Variants in PXDNL observed in about 807,000 individuals in gnomAD.
PXDNL encodes peroxidasin like.
PXDNL carries 145 observed loss-of-function variants against 150.8 expected under a neutral mutation model. The observed-to-expected ratio is 0.96, with a 90% CI of 0.84 to 1.10. PXDNL has a LOEUF of 1.10. Ranked by LOEUF, PXDNL falls within the 50% of genes least tolerant of loss-of-function variation. PXDNL has a pLI of 0.00. For synonymous variants in PXDNL, 757 were observed against 725.7 expected (o/e 1.04, Z -0.69); for missense variants, 2,087 against 1,873.9 (o/e 1.11, Z -2.10).
At chr8:51,515,909 G>A (rs960373973) in intron 4 of PXDNL, among the ~76,000 whole-genome samples, 6 of 151,968 alleles carry the variant, frequency 3.9e-5, no homozygotes, top group South Asian at 2.1e-4. Flanking sequence ...TAAAGTACTC[G>A]TCTGGTTCAA....
At chr8:51,538,188 C>T (rs1585561597) in intron 4 of PXDNL, among the ~76,000 whole-genome samples, 1 of 152,166 alleles carries the variant, frequency 6.6e-6, no homozygotes, top group Non-Finnish European at 1.5e-5. Context: ...AGTGATTCTA[C>T]CCAAGATACA....
In PXDNL at chr8:51,403,763, G is replaced by A. The variant is rs188286045; in HGVS notation, c.3557+4304C>T. Among the ~76,000 whole-genome samples the A allele has an allele frequency of 2.0e-3, 308 of 152,264 alleles. 1 individual carries two copies. The highest frequency in any genetic ancestry group is 6.6e-3 in the African/African-American group (275 of 41,560). On this transcript the variant is annotated intron_variant, in intron 17 of 22. Transcript: ENST00000356297. ...ATTCAAATGTGGAAGCTTCATCTCC[G>A]ATGTTATGGTATTAATAAGCGGGGC...
intron 8 of PXDNL, among the ~76,000 whole-genome samples, chr8:51,464,946 A>G (rs1810171003): frequency 6.6e-6 from 1 of 152,236 alleles, no homozygotes; most frequent in African/African-American, 2.4e-5. Context: ...CTTGGACTAC[A>G]TGGAGTCACA....
At chr8:51,345,632 C>T (rs1036899805) in intron 20 of PXDNL, among the ~76,000 whole-genome samples, 5 of 152,104 alleles carry the variant, frequency 3.3e-5, no homozygotes, top group South Asian at 2.1e-4. Context: ...TTGCCAAATA[C>T]GCTCTGGTTG....
At chr8:51,633,919 T>C (rs1261608677) in intron 2 of PXDNL, among the ~76,000 whole-genome samples, 2 of 151,258 alleles carry the variant, frequency 1.3e-5, no homozygotes, top group Non-Finnish European at 3.0e-5. Flanking sequence ...AATATTTCCT[T>C]CTATCCTATA....
rs544694594 is a variant in PXDNL, at chr8:51,724,491, A to G, written c.165-69731T>C. 2.6e-4 allele frequency among the ~76,000 whole-genome samples: 40 copies of G among 151,602 alleles called. 1 individual carries two copies. The Middle Eastern group carries it at 0.02, about 77-fold the overall frequency. ...TGCTGATGACCACATGACATCGCAG[A>G]AAAAAAAAGGAAAAATCAGATCTCA... is the stretch of plus-strand genomic sequence containing the variant. On this transcript the variant is annotated intron_variant, in intron 1 of 22. Coordinates refer to ENST00000356297, the MANE Select transcript of PXDNL (RefSeq NM_144651.5).
intron 8 of PXDNL, among the ~76,000 whole-genome samples, chr8:51,459,869 C>A (rs1297959081): frequency 6.6e-6 from 1 of 152,146 alleles, no homozygotes; most frequent in East Asian, 1.9e-4. Context: ...TTACAACAGT[C>A]ATTTGTTAAG....
intron 1 of PXDNL, among the ~76,000 whole-genome samples, chr8:51,659,650 C>T (rs1815226449): frequency 1.3e-5 from 2 of 152,100 alleles, no homozygotes; most frequent in African/African-American, 4.8e-5. Context: ...ATTATGCCTC[C>T]TCTCAGTGGG....
intron 2 of PXDNL, among the ~76,000 whole-genome samples, chr8:51,601,974 T>C (rs1026717933): frequency 6.6e-5 from 10 of 152,074 alleles, no homozygotes; most frequent in Non-Finnish European, 1.5e-4. Context: ...TTCTCCTTCA[T>C]TTATGAAGCT....
At chr8:51,683,954 C>T (rs1383530821) in intron 1 of PXDNL, among the ~76,000 whole-genome samples, 4 of 152,168 alleles carry the variant, frequency 2.6e-5, no homozygotes, top group Non-Finnish European at 4.4e-5. Flanking sequence ...CTCCCACCCA[C>T]TTACATGTCA....
intron 17 of PXDNL, among the ~76,000 whole-genome samples, chr8:51,404,204 C>T (rs888107535): frequency 7.2e-5 from 11 of 152,200 alleles, no homozygotes; most frequent in Admixed American, 3.3e-4. Context: ...TCGCAAAGAG[C>T]GAAAGAACAA....
At chr8:51,779,175 G>A (rs1156660749) in intron 1 of PXDNL, among the ~76,000 whole-genome samples, 1 of 152,196 alleles carries the variant, frequency 6.6e-6, no homozygotes, top group Non-Finnish European at 1.5e-5. Context: ...TATGTTTATA[G>A]GTTGATAGCT....
At chr8:51,483,155 G>A (rs776744712) in intron 6 of PXDNL, among the ~76,000 whole-genome samples, 1 of 152,186 alleles carries the variant, frequency 6.6e-6, no homozygotes, top group Non-Finnish European at 1.5e-5. Context: ...ATCAGCCCAC[G>A]GATGGGAGCA....
intron 12 of PXDNL, among the ~76,000 whole-genome samples, chr8:51,432,827 C>T (rs1809285178): frequency 6.6e-6 from 1 of 152,126 alleles, no homozygotes; most frequent in Non-Finnish European, 1.5e-5. Flanking sequence ...AAAGTCATAA[C>T]ATTTGTTTTC....
At chr8:51,577,999 GAGGA>G (rs200324232) in intron 3 of PXDNL, among the ~76,000 whole-genome samples, 765 of 31,398 alleles carry the variant, frequency 0.024, 34 homozygotes, top group Non-Finnish European at 0.029. Flanking sequence ...AAGAAAGAAA[GAGGA>G]AGGAAGGAAG....
intron 1 of PXDNL, among the ~76,000 whole-genome samples, chr8:51,749,441 G>A (rs565475916): frequency 7.2e-5 from 11 of 152,304 alleles, no homozygotes; most frequent in South Asian, 6.2e-4. Flanking sequence ...ACTGAATACT[G>A]TAGGAAACTG....
chr8:51,501,319 T>C (rs1259044610), intron 4 of PXDNL, among the ~76,000 whole-genome samples: 1 of 149,748 alleles, frequency 6.7e-6, no homozygotes, highest in Non-Finnish European at 1.5e-5. Context: ...CACTCTCAGC[T>C]TCACACATAC....
chr8:51,437,976 TA>T (rs1373356491), intron 12 of PXDNL, among the ~76,000 whole-genome samples: 8 of 152,158 alleles, frequency 5.3e-5, no homozygotes, highest in Non-Finnish European at 1.0e-4. Flanking sequence ...AATACAAAAT[TA>T]ATGTACACAA....
chr8:51,495,452 GA>G (rs1368787943), intron 5 of PXDNL, among the ~76,000 whole-genome samples: 2 of 152,074 alleles, frequency 1.3e-5, no homozygotes, highest in Non-Finnish European at 2.9e-5. Flanking sequence ...GAAGGAAATA[GA>G]GACACAAAAA....
Sources: gnomAD v4.1 joint callset for allele counts (sites outside exome capture counted in the v4.1 genomes callset) on GRCh38, gnomAD v4.1.1 for gene constraint, MANE v1.5 for transcripts, NCBI Gene and HGNC (gene_info 2026-07-23, HGNC 2026-07-21) for gene names.